Variants in NXN observed in about 807,000 individuals in gnomAD.
NXN encodes nucleoredoxin, also known as nucleoredoxin 1.
A neutral mutation model predicts 48.6 loss-of-function variants in NXN; 16 were observed. The ratio of observed to expected loss-of-function variants is 0.33; its 90% CI spans 0.22 to 0.50. NXN has a LOEUF of 0.50. Among genes scored for constraint, NXN ranks in the 20% least tolerant of loss-of-function variants. NXN has a pLI of 0.98. For synonymous variants in NXN, 281 were observed against 269.6 expected (o/e 1.04, Z -0.41); for missense variants, 492 against 605.5 (o/e 0.81, Z 1.97).
rs531825586 is a variant in NXN, at chr17:963,945, C to T, written c.360+15374G>A. Among the ~76,000 whole-genome samples the T allele has an allele frequency of 1.8e-4, 27 of 151,614 alleles. No homozygotes were observed. In the East Asian group the frequency reaches 4.1e-3, roughly 23 times the overall value. On this transcript the variant is annotated intron_variant, in intron 1 of 7. Transcript: ENST00000336868. The stretch of plus-strand genomic sequence containing the variant: ...ACAAAAAATCAGCCGGGCGTGGTGG[C>T]GGGCGCCTGTAATCCCAGCACTTTG...
chr17:901,129 C>T (rs2068533931), intron 1 of NXN, among the ~76,000 whole-genome samples: 1 of 152,032 alleles, frequency 6.6e-6, no homozygotes, highest in Non-Finnish European at 1.5e-5. Flanking sequence ...CCATGTTGGC[C>T]AGGATGGTCT....
chr17:910,844 G>C (rs998237483), intron 1 of NXN: 2 of 152,158 alleles, frequency 1.3e-5, no homozygotes, highest in Non-Finnish European at 2.9e-5. Context: ...TGTGGGCTCA[G>C]CTCACAGACC....
chr17:803,782 T>G lies in NXN; in HGVS notation c.1025A>C (p.Glu342Ala), dbSNP rs550128795. 10 of 1,614,184 alleles carry G rather than the reference T, an allele frequency of 6.2e-6. No individual in the cohort carries two copies. In the South Asian group the frequency reaches 9.9e-5, roughly 16 times the overall value. Reference protein sequence around the residue: ...FVDSEDDGESEAAKQLIQPIA... With the variant: ...FVDSEDDGESAAAKQLIQPIA... ...CGGCTGAATCAGCTGCTTGGCCGCC[T>G]CGGACTCTCCGTCATCCTCAGAATC... is the stretch of plus-strand genomic sequence containing the variant. The change falls in exon 7 of 8, where the codon GAG becomes GCG. Residue 342 changes from glutamate (E) to alanine (A), a missense_variant. Coordinates refer to ENST00000336868, the MANE Select transcript of NXN (RefSeq NM_022463.5).
chr17:971,107 C>T (rs190347279), intron 1 of NXN, among the ~76,000 whole-genome samples: 27 of 151,980 alleles, frequency 1.8e-4, no homozygotes, highest in African/African-American at 6.3e-4. Context: ...CCACCACACC[C>T]GGCTAATTTT....
chr17:879,307 TGA>T (rs2068257698), intron 1 of NXN, among the ~76,000 whole-genome samples: 15 of 147,420 alleles, frequency 1.0e-4, no homozygotes, highest in Non-Finnish European at 2.1e-4. Context: ...TTTTTTTTTT[TGA>T]GACAGAGTCT....
At chr17:878,047 C>A (rs117190125) in intron 1 of NXN, 1,573 of 152,312 alleles carry the variant, frequency 0.01, 27 homozygotes, top group East Asian at 0.052. Flanking sequence ...GCCCTGGGGG[C>A]ACAGTCTGGA....
intron 1 of NXN, among the ~76,000 whole-genome samples, chr17:842,951 GGAAAGAAAGAAAGAGA>G (rs1260891302): frequency 7.0e-5 from 9 of 127,678 alleles, no homozygotes; most frequent in African/African-American, 2.6e-4. Flanking sequence ...AAAAAAGAAA[GGAAAGAAAGAAAGAGA>G]GAAAGAGAGA....
At position 979,742 on chromosome 17, in the gene NXN, A is replaced by G. The variant is rs1260804524; in HGVS notation, c.-64T>C. On this transcript the variant is annotated 5_prime_UTR_variant, in exon 1 of 8. Transcript: ENST00000336868. ...GCTCCACGGTCCGCGCGGCGGGAGGAGGCGGCGGCGTCGGCGGCAGGCGCT... is the reference window on the plus strand; with the variant it reads ...GCTCCACGGTCCGCGCGGCGGGAGGGGGCGGCGGCGTCGGCGGCAGGCGCT... 151 of 1,239,048 alleles carry G rather than the reference A, an allele frequency of 1.2e-4. No homozygotes were observed. The highest frequency in any genetic ancestry group is 1.5e-4 in the Non-Finnish European group (146 of 983,374). The allele number at this position is 1,239,048 out of a possible 1,614,324, so 76.8% of individuals were successfully genotyped here.
chr17:915,885 C>CCCTAAAATGGGCGGCCACTT (rs1468143906), intron 1 of NXN, among the ~76,000 whole-genome samples: 3 of 151,802 alleles, frequency 2.0e-5, no homozygotes, highest in Admixed American at 6.6e-5. Flanking sequence ...CTGGAACTTC[C>CCCTAAAATGGGCGGCCACTT]AGCTGCTCCC....
At chr17:837,608 G>T (rs1380104592) in intron 1 of NXN, among the ~76,000 whole-genome samples, 2 of 152,172 alleles carry the variant, frequency 1.3e-5, no homozygotes, top group African/African-American at 4.8e-5. Context: ...TTCCTGGGGG[G>T]CCCAGAATGC....
At chr17:863,688 C>T (rs540773614) in intron 1 of NXN, among the ~76,000 whole-genome samples, 175 of 152,248 alleles carry the variant, frequency 1.1e-3, no homozygotes, top group Non-Finnish European at 1.9e-3. Flanking sequence ...GTCTTGAACT[C>T]CTGGGCTGAT....
chr17:812,778 G>A (rs901937047), intron 5 of NXN, among the ~76,000 whole-genome samples: 2 of 132,304 alleles, frequency 1.5e-5, no homozygotes, highest in Non-Finnish European at 3.5e-5. Context: ...GTGTAGGTGT[G>A]TGCATGTGTG....
chr17:800,622 C>G lies in NXN; in HGVS notation c.*327G>C. ...AGCCCGAGCGGGACCCACCGGCCCT[C>G]CACGCTCACTCTGCCCAGGACACCC... is the stretch of plus-strand genomic sequence containing the variant. On this transcript the variant is annotated 3_prime_UTR_variant, in exon 8 of 8. Coordinates refer to ENST00000336868, the MANE Select transcript of NXN (RefSeq NM_022463.5). 1 of 187,334 alleles carries G rather than the reference C, an allele frequency of 5.3e-6. No individual in the cohort carries two copies. The allele number at this position is 187,334 out of a possible 1,614,324, so 11.6% of individuals were successfully genotyped here.
chr17:880,302 TATAAAATACAAGAACTAAA>T (rs1567846102), intron 1 of NXN, among the ~76,000 whole-genome samples: 8 of 152,162 alleles, frequency 5.3e-5, no homozygotes, highest in African/African-American at 1.4e-4. Context: ...TTTCCTTGTA[TATAAAATACAAGAACTAAA>T]TACCTTGGAT....
chr17:911,059 A>G (rs1446351671), intron 1 of NXN: 2 of 151,646 alleles, frequency 1.3e-5, no homozygotes, highest in African/African-American at 4.9e-5. Flanking sequence ...CTCTCAAAGG[A>G]CTCCAAGTTC....
chr17:902,815 A>G lies in NXN; in HGVS notation c.360+76504T>C, dbSNP rs1316914895. ...TTTTTTTTAAGACTGACTTTCGCTC[A>G]TCACCCAGGCTGGAGTGCAATGGCG... On this transcript the variant is annotated intron_variant, in intron 1 of 7. Coordinates refer to ENST00000336868, the MANE Select transcript of NXN (RefSeq NM_022463.5). 9.0e-3 allele frequency among the ~76,000 whole-genome samples: 1,339 copies of G among 148,222 alleles called. 17 individuals carry two copies. The highest frequency in any genetic ancestry group is 0.032 in the African/African-American group (1,258 of 39,936).
intron 1 of NXN, among the ~76,000 whole-genome samples, chr17:846,473 C>T (rs986010222): frequency 2.7e-5 from 4 of 149,730 alleles, no homozygotes; most frequent in African/African-American, 4.9e-5. Flanking sequence ...ATTGAACACA[C>T]GAACAAAGGA....
At chr17:898,196 G>C (rs1051080644) in intron 1 of NXN, among the ~76,000 whole-genome samples, 1 of 152,040 alleles carries the variant, frequency 6.6e-6, no homozygotes, top group Non-Finnish European at 1.5e-5. Context: ...GTCGAGGCTG[G>C]TCTGTGCATT....
At position 948,707 on chromosome 17, in the gene NXN, C is replaced by G. The variant is rs376606353; in HGVS notation, c.360+30612G>C. On this transcript the variant is annotated intron_variant, in intron 1 of 7. Coordinates refer to ENST00000336868, the MANE Select transcript of NXN (RefSeq NM_022463.5). ...CTGGGTCCCAACGCGGGGCCTCACC[C>G]CGGCCCGTCCCGCCCCAGCGCTCGG... Among the ~76,000 whole-genome samples the G allele has an allele frequency of 8.6e-5, 13 of 151,998 alleles. No individual in the cohort carries two copies. In the South Asian group the frequency reaches 2.7e-3, roughly 31 times the overall value.
Sources: gnomAD v4.1 joint callset for allele counts (sites outside exome capture counted in the v4.1 genomes callset) on GRCh38, gnomAD v4.1.1 for gene constraint, MANE v1.5 for transcripts, NCBI Gene and HGNC (gene_info 2026-07-23, HGNC 2026-07-21) for gene names.